Variants in ACACB observed in about 807,000 individuals in gnomAD.
ACACB encodes the protein acetyl-CoA carboxylase beta, also known as acetyl-CoA carboxylase 2.
A neutral mutation model predicts 278.8 loss-of-function variants in ACACB; 209 were observed. The ratio of observed to expected loss-of-function variants is 0.75; its 90% CI spans 0.67 to 0.84. The LOEUF (loss-of-function observed/expected upper bound fraction) is 0.84. Ranked by LOEUF, ACACB falls within the 40% of genes least tolerant of loss-of-function variation. The pLI is 0.00. For synonymous variants in ACACB, 1,174 were observed against 1,285.6 expected, an observed-to-expected ratio of 0.91 and a Z score of 1.86; for missense variants, 2,850 against 3,269.0, an observed-to-expected ratio of 0.87 and a Z score of 3.13.
chr12:109,187,006 C>T (rs780486493), intron 12 of ACACB, among the ~76,000 whole-genome samples: 40 of 151,914 alleles, frequency 2.6e-4, no homozygotes, highest in Non-Finnish European at 3.1e-4. Flanking sequence ...GGGCCGTTCT[C>T]CCAGAGGGAA....
At chr12:109,196,087 G>T (rs1309360438) in intron 16 of ACACB, among the ~76,000 whole-genome samples, 1 of 152,108 alleles carries the variant, frequency 6.6e-6, no homozygotes, top group South Asian at 2.1e-4. Context: ...GAATTTTATA[G>T]GTTGAAGGCC....
At chr12:109,210,223 G>GTATATATGTATATATACACACC (rs2045730150) in intron 21 of ACACB, among the ~76,000 whole-genome samples, 1 of 10,160 alleles carries the variant, frequency 9.8e-5, no homozygotes, top group East Asian at 2.7e-3. Flanking sequence ...ATACACACAT[G>GTATATATGTATATATACACACC]TGTGTATATG....
chr12:109,136,796 A>G (rs1222852808), intron 1 of ACACB, among the ~76,000 whole-genome samples: 1 of 152,202 alleles, frequency 6.6e-6, no homozygotes, highest in Non-Finnish European at 1.5e-5. Context: ...ATCTGTGAAT[A>G]GGGGTGGCTT....
At chr12:109,157,285 T>TTATTATTATTAG (rs1282204492) in intron 2 of ACACB, among the ~76,000 whole-genome samples, 1 of 149,950 alleles carries the variant, frequency 6.7e-6, no homozygotes, top group Non-Finnish European at 1.5e-5. Context: ...ATTATTATTA[T>TTATTATTATTAG]TATTATTATT....
rs529799709 is a variant in ACACB at position 109,243,643 on chromosome 12, TC to T, written c.5178+1052del. On this transcript the variant is annotated intron_variant, in intron 37 of 52. Coordinates refer to ENST00000338432, the MANE Select transcript of ACACB (RefSeq NM_001093.4). ...AAAAAATAATGTTTTATTATGTTTT[TC>T]TGATGATTAAAGTATACATAGGAAA... Among the ~76,000 whole-genome samples the T allele has an allele frequency of 1.4e-3, 210 of 152,198 alleles. 3 individuals carry two copies. The highest frequency in any genetic ancestry group is 4.8e-3 in the African/African-American group (198 of 41,550).
At chr12:109,159,548 A>G (rs149857382) in intron 2 of ACACB, among the ~76,000 whole-genome samples, 81 of 152,322 alleles carry the variant, frequency 5.3e-4, no homozygotes, top group African/African-American at 1.7e-3. Context: ...CCAGGATTAC[A>G]CAGGTTATAA....
At chr12:109,265,361 T>TC in intron 51 of ACACB, 28 bp from the exon 52 acceptor site, 1 of 1,612,662 alleles carries the variant, frequency 6.2e-7, no homozygotes, top group Non-Finnish European at 8.5e-7. Context: ...TGGGTCCCTC[T>TC]CTGAGGCATC....
At chr12:109,221,894 T>TTTGGGG (rs372053398) in intron 24 of ACACB, among the ~76,000 whole-genome samples, 2 of 128,242 alleles carry the variant, frequency 1.6e-5, no homozygotes, top group African/African-American at 6.3e-5. Flanking sequence ...TTTTTTTTTT[T>TTTGGGG]GGGGGGGAGA....
In ACACB at chr12:109,235,381, G is replaced by A; in HGVS notation, c.4404+12G>A. 6.2e-7 allele frequency: 1 copy of A among 1,611,368 alleles called. No individual in the cohort carries two copies. Among genetic ancestry groups the A allele is most frequent in the Non-Finnish European group, 8.5e-7 (1 of 1,177,480 alleles). On this transcript the variant is annotated intron_variant, in intron 32 of 52. Transcript: ENST00000338432. The stretch of plus-strand genomic sequence containing the variant: ...TGATTGCCCAAGAGGTTAGTTCACA[G>A]TTCATCTCTATGAGTCTTTCCCATT...
At chr12:109,151,445 T>A (rs983305456) in intron 2 of ACACB, among the ~76,000 whole-genome samples, 7 of 152,132 alleles carry the variant, frequency 4.6e-5, no homozygotes, top group African/African-American at 1.4e-4. Flanking sequence ...TTCTGCTCTA[T>A]ACTTAATGTA....
chr12:109,201,840 AC>A lies in ACACB; in HGVS notation c.2913+141del, dbSNP rs528097765. The A allele has an allele frequency of 9.4e-4, 1,110 of 1,186,226 alleles. 9 individuals are homozygous for A. In the African/African-American group the frequency reaches 0.015, roughly 16 times the overall value. 73.5% of individuals were successfully genotyped at this position (1,186,226 alleles called of 1,614,324 possible). ...GCAGACAGAGCTCGTCGCAGCAGCC[AC>A]CGTGATGGTGCAGAAACACAAGGAA... On this transcript the variant is annotated intron_variant, in intron 19 of 52. Coordinates refer to ENST00000338432, the MANE Select transcript of ACACB (RefSeq NM_001093.4).
intron 3 of ACACB, among the ~76,000 whole-genome samples, chr12:109,167,621 G>GTGTGTATATATATATATATA (rs1555210640): frequency 6.4e-5 from 5 of 77,526 alleles, no homozygotes; most frequent in East Asian, 6.7e-4. Flanking sequence ...ATATGTATGT[G>GTGTGTATATATATATATATA]TATATATATA....
At chr12:109,132,944 T>C (rs2042866588) in intron 1 of ACACB, among the ~76,000 whole-genome samples, 1 of 152,180 alleles carries the variant, frequency 6.6e-6, no homozygotes, top group Admixed American at 6.5e-5. Context: ...CTTGCAGCTT[T>C]ACCTGCCATC....
At chr12:109,261,880 C>CAAAAAAAAAA (rs757106164) in intron 48 of ACACB, among the ~76,000 whole-genome samples, 4 of 86,072 alleles carry the variant, frequency 4.6e-5, no homozygotes, top group Non-Finnish European at 7.5e-5. Flanking sequence ...AAAAAAAAAA[C>CAAAAAAAAAA]AAAAAAAAAA....
At position 109,137,102 on chromosome 12, in the gene ACACB, GT is replaced by G. The variant is rs545420222; in HGVS notation, c.-9-2288del. ...CTGCATCAATTGGGATGATCATGTG[GT>G]TTTTTTCCCTTTGTTCCATTAATGT... On this transcript the variant is annotated intron_variant, in intron 1 of 52. Coordinates refer to ENST00000338432, the MANE Select transcript of ACACB (RefSeq NM_001093.4). Among the ~76,000 whole-genome samples the G allele has an allele frequency of 7.9e-5, 12 of 152,058 alleles. 1 individual carries two copies. In the South Asian group the frequency reaches 2.3e-3, roughly 29 times the overall value.
intron 2 of ACACB, among the ~76,000 whole-genome samples, chr12:109,145,176 A>G (rs1405829878): frequency 2.0e-5 from 3 of 150,468 alleles, no homozygotes; most frequent in East Asian, 2.0e-4. Flanking sequence ...TTTTTTGGAA[A>G]ACTGGTCAGT....
intron 37 of ACACB, 29 bp from the exon 38 acceptor site, chr12:109,245,597 G>A: frequency 6.2e-7 from 1 of 1,608,104 alleles, no homozygotes; most frequent in South Asian, 1.1e-5. Flanking sequence ...ATGACTTCAA[G>A]TTTTTTCTCT....
chr12:109,148,467 A>G (rs949023685), intron 2 of ACACB, among the ~76,000 whole-genome samples: 1 of 152,132 alleles, frequency 6.6e-6, no homozygotes, highest in African/African-American at 2.4e-5. Context: ...GATTGCTGAG[A>G]TTGCAGCTGG....
In ACACB at chr12:109,140,245, TCCTTCCTTCCA is replaced by T. The variant is rs1565857290; in HGVS notation, c.653+188_653+198del. On this transcript the variant is annotated intron_variant, in intron 2 of 52. Coordinates refer to ENST00000338432, the MANE Select transcript of ACACB (RefSeq NM_001093.4). The stretch of plus-strand genomic sequence containing the variant: ...TTCCTTCCTTCCTTCCTTCCTTCCT[TCCTTCCTTCCA>T]TCCTTCCTTCCTTCTTTCCTTCCTT... 1.7e-4 allele frequency among the ~76,000 whole-genome samples: 22 copies of T among 132,638 alleles called. 2 individuals carry two copies. The highest frequency in any genetic ancestry group is 4.9e-4 in the South Asian group (2 of 4,116). The allele number at this position is 132,638 out of a possible 152,430, so 87.0% of individuals were successfully genotyped here.
Sources: gnomAD v4.1 joint callset for allele counts (sites outside exome capture counted in the v4.1 genomes callset) on GRCh38, gnomAD v4.1.1 for gene constraint, MANE v1.5 for transcripts, NCBI Gene and HGNC (gene_info 2026-07-23, HGNC 2026-07-21) for gene names.